UBR7: variants seen among roughly 807,000 people sequenced by gnomAD.
UBR7 encodes putative E3 ubiquitin-protein ligase UBR7.
In UBR7, 22 loss-of-function variants were observed where a neutral mutation model predicts 57.0. The ratio of observed to expected loss-of-function variants is 0.39; its 90% CI spans 0.28 to 0.55. UBR7 has a LOEUF of 0.55. Among genes scored for constraint, UBR7 ranks in the 20% least tolerant of loss-of-function variants. The pLI is 0.69. For missense variants in UBR7, 395 were observed against 513.2 expected (o/e 0.77, Z 2.23); for synonymous variants, 167 against 179.8 (o/e 0.93, Z 0.57).
In UBR7 at chr14:93,210,655, C is replaced by A. The variant is rs267604099; in HGVS notation, c.292C>A (p.Arg98Ser). ...LFELYTKRNFRCDCGNSKFKN... is the reference protein window; with the variant it reads ...LFELYTKRNFSCDCGNSKFKN... Reference sequence around the variant, plus strand: ...ATTTCCTCCTTTTTTCAGAAATTTTCGTTGTGATTGTGGAAACAGCAAGTT... The same window carrying A: ...ATTTCCTCCTTTTTTCAGAAATTTTAGTTGTGATTGTGGAAACAGCAAGTT... The change falls in exon 3 of 11, where the codon CGT becomes AGT. Residue 98 changes from arginine (R) to serine (S), a missense_variant. By Grantham distance (110) the Arg-to-Ser change is moderately radical. Coordinates refer to ENST00000013070, the MANE Select transcript of UBR7 (RefSeq NM_175748.4). 2 of 1,605,496 alleles carry A rather than the reference C, an allele frequency of 1.2e-6. No homozygotes were observed. The highest frequency in any genetic ancestry group is 2.2e-5 in the South Asian group (2 of 89,878).
In UBR7 at chr14:93,228,145, TATA is replaced by T. The variant is rs1566826466; in HGVS notation, c.*1113_*1115del. 2 of 627,288 alleles carry T rather than the reference TATA, an allele frequency of 3.2e-6. No homozygotes were observed. Among genetic ancestry groups the T allele is most frequent in the Non-Finnish European group, 5.9e-6 (2 of 339,214 alleles). 38.9% of individuals were successfully genotyped at this position (627,288 alleles called of 1,614,324 possible). A position where few individuals can be genotyped will look rare whatever the true frequency, so the allele number is the denominator to read the frequency against. ...CTGCACGAATGATGAGTTTTGTGTA[TATA>T]ATGTTAATGTCCACCGCCACTTCCC... On this transcript the variant is annotated 3_prime_UTR_variant, in exon 11 of 11. Coordinates refer to ENST00000013070, the MANE Select transcript of UBR7 (RefSeq NM_175748.4).
chr14:93,216,093 G>A (rs1396615888), intron 6 of UBR7, among the ~76,000 whole-genome samples: 4 of 152,186 alleles, frequency 2.6e-5, no homozygotes, highest in African/African-American at 7.2e-5. Context: ...CTACGTGTCC[G>A]TACCTGTTAA....
At chr14:93,213,713 C>T (rs1399858889) in intron 4 of UBR7, among the ~76,000 whole-genome samples, 2 of 152,054 alleles carry the variant, frequency 1.3e-5, no homozygotes, top group African/African-American at 4.8e-5. Context: ...TCTGAATTGT[C>T]CTTTCATATC....
chr14:93,223,566 A>G (rs1241553845), intron 10 of UBR7: 1 of 778,472 alleles, frequency 1.3e-6, no homozygotes, highest in African/African-American at 1.8e-5. Flanking sequence ...TCCTGAGTTT[A>G]TTTGGGGCAC....
chr14:93,226,500 C>A (rs1018133718), intron 10 of UBR7, among the ~76,000 whole-genome samples: 4 of 152,020 alleles, frequency 2.6e-5, no homozygotes, highest in African/African-American at 9.7e-5. Flanking sequence ...TAAAAATTAG[C>A]CAGGCGTAGG....
rs190023132 is a variant in UBR7, at chr14:93,208,454, C to T, written c.150+1013C>T. 3.6e-3 allele frequency among the ~76,000 whole-genome samples: 542 copies of T among 149,826 alleles called. 2 individuals are homozygous for T. The highest frequency in any genetic ancestry group is 6.4e-3 in the Non-Finnish European group (434 of 67,696). On this transcript the variant is annotated intron_variant, in intron 1 of 10. Transcript: ENST00000013070. ...TGGTCACCACTAAAACAATTTTTCC[C>T]CTGCTTTACTTAAAAAAAAAAAAAA...
At chr14:93,226,043 A>C (rs1331498945) in intron 10 of UBR7, among the ~76,000 whole-genome samples, 1 of 152,178 alleles carries the variant, frequency 6.6e-6, no homozygotes, top group Non-Finnish European at 1.5e-5. Flanking sequence ...TGAATCTGTT[A>C]GGGGTTTGGA....
In UBR7 at chr14:93,227,819, T is replaced by G. The variant is rs966972714; in HGVS notation, c.*784T>G. The G allele has an allele frequency of 1.9e-5, 13 of 700,752 alleles. No homozygotes were observed. In the South Asian group the frequency reaches 1.9e-4, roughly 10 times the overall value. 43.4% of individuals were successfully genotyped at this position (700,752 alleles called of 1,614,324 possible). On this transcript the variant is annotated 3_prime_UTR_variant, in exon 11 of 11. Transcript: ENST00000013070. ...TCCTGGAGAACATTTGCCCGTATAC[T>G]AGTCCCTTCTCTGCTGCCTAGAAAA...
At chr14:93,217,426 T>C (rs889196498) in intron 6 of UBR7, among the ~76,000 whole-genome samples, 12 of 152,212 alleles carry the variant, frequency 7.9e-5, no homozygotes, top group Non-Finnish European at 1.5e-4. Context: ...TGGCATCCAA[T>C]GTGAGCTCCC....
rs1262530387 is a variant in UBR7, at chr14:93,228,894, C to G, written c.*1859C>G. 2.2e-6 allele frequency: 1 copy of G among 453,962 alleles called. No individual in the cohort carries two copies. Among genetic ancestry groups the G allele is most frequent in the Non-Finnish European group, 4.4e-6 (1 of 226,798 alleles). The allele number at this position is 453,962 out of a possible 1,614,324, so 28.1% of individuals were successfully genotyped here. ...TTACATTACGTGCAGCACAATAGTA[C>G]CGATCAGTTAACTCAGCGCTGAAGG... On this transcript the variant is annotated 3_prime_UTR_variant, in exon 11 of 11. Transcript: ENST00000013070.
At chr14:93,218,282 G>A (rs1392581093) in intron 6 of UBR7, among the ~76,000 whole-genome samples, 3 of 151,350 alleles carry the variant, frequency 2.0e-5, no homozygotes, top group Admixed American at 1.3e-4. Flanking sequence ...ATGGTGGCAC[G>A]CACCTGTAGT....
Position 93,213,559 on chromosome 14 carries a change from G to A in UBR7, c.442-1370G>A, listed in dbSNP as rs540769847. Reference sequence around the variant, plus strand: ...CCTGACCTCATGATCCGCCTGCCTCGGGCTCCCAAAGTGCTGGGATTACAG... The same window carrying A: ...CCTGACCTCATGATCCGCCTGCCTCAGGCTCCCAAAGTGCTGGGATTACAG... On this transcript the variant is annotated intron_variant, in intron 4 of 10. Transcript: ENST00000013070. Among the ~76,000 whole-genome samples, 8 of 152,152 alleles carry A rather than the reference G, an allele frequency of 5.3e-5. No individual in the cohort carries two copies. In the South Asian group the frequency reaches 1.2e-3, roughly 24 times the overall value.
intron 1 of UBR7, 84 bp downstream of exon 1, chr14:93,207,525 C>T: frequency 6.9e-7 from 1 of 1,453,864 alleles, no homozygotes; most frequent in Non-Finnish European, 9.0e-7. Flanking sequence ...TCCCGCCTTG[C>T]CGCAGTCGTC....
rs1228627397 is a variant in UBR7, at chr14:93,222,293, CT to C, written c.1124-16del. The C allele has an allele frequency of 1.8e-5, 28 of 1,562,214 alleles. No individual in the cohort carries two copies. The highest frequency in any genetic ancestry group is 2.4e-5 in the Non-Finnish European group (27 of 1,133,110). On this transcript the variant is annotated intron_variant, in intron 9 of 10. Transcript: ENST00000013070. ...CAAATGGTTTATCTAAACTTAAATA[CT>C]TTTGTGGTTTTGATTTAGAATACAA...
chr14:93,224,943 T>G (rs933328074), intron 10 of UBR7, among the ~76,000 whole-genome samples: 2 of 151,936 alleles, frequency 1.3e-5, no homozygotes, highest in Non-Finnish European at 2.9e-5. Context: ...ATCACAAACA[T>G]ATACTTAAAA....
chr14:93,209,752 C>T, intron 1 of UBR7, 72 bp from the exon 2 acceptor site: 2 of 1,536,208 alleles, frequency 1.3e-6, no homozygotes, highest in Non-Finnish European at 1.8e-6. Flanking sequence ...AATTATTTTT[C>T]AGTTCCTAGT....
At chr14:93,214,469 G>A (rs1894551868) in intron 4 of UBR7, among the ~76,000 whole-genome samples, 1 of 152,218 alleles carries the variant, frequency 6.6e-6, no homozygotes, top group South Asian at 2.1e-4. Flanking sequence ...AATTAGAGGA[G>A]TTATCTATCG....
intron 1 of UBR7, 126 bp downstream of exon 1, chr14:93,207,567 C>T: frequency 2.3e-6 from 3 of 1,282,826 alleles, no homozygotes; most frequent in Non-Finnish European, 3.1e-6. Flanking sequence ...CGCCGTTAGT[C>T]TGCCGCTTCC....
chr14:93,211,263 T>G (rs1485137688), intron 3 of UBR7, among the ~76,000 whole-genome samples: 1 of 149,974 alleles, frequency 6.7e-6, no homozygotes, highest in East Asian at 2.0e-4. Context: ...AAACAATAAA[T>G]AGGCCGGGCA....
Sources: gnomAD v4.1 joint callset for allele counts (sites outside exome capture counted in the v4.1 genomes callset) on GRCh38, gnomAD v4.1.1 for gene constraint, MANE v1.5 for transcripts, NCBI Gene and HGNC (gene_info 2026-07-23, HGNC 2026-07-21) for gene names.